Variants in DNER observed in about 807,000 individuals in gnomAD.
DNER encodes the protein delta/notch like EGF repeat containing.
A neutral mutation model predicts 78.2 loss-of-function variants in DNER; 33 were observed. The observed-to-expected ratio is 0.42, with a 90% CI of 0.32 to 0.56. The LOEUF is 0.56. Among genes scored for constraint, DNER ranks in the 20% least tolerant of loss-of-function variants. The probability of loss-of-function intolerance (pLI) is 0.11; values close to 1 mark genes in which losing one functional copy is unlikely to be tolerated. For synonymous variants in DNER, 417 were observed against 384.8 expected (o/e 1.08, Z -0.98); for missense variants, 918 against 975.3 (o/e 0.94, Z 0.78).
Position 229,597,512 on chromosome 2 carries a change from A to G in DNER, c.277-5624T>C, listed in dbSNP as rs150446431. Among the ~76,000 whole-genome samples, 54 of 152,374 alleles carry G rather than the reference A, an allele frequency of 3.5e-4. 1 individual carries two copies. The East Asian group carries it at 7.9e-3, about 22-fold the overall frequency. ...CATTAAATCTGAACTATAAGCAGGTAATAACCAAACTGCCAAAATGCATAA... is the reference window on the plus strand; with the variant it reads ...CATTAAATCTGAACTATAAGCAGGTGATAACCAAACTGCCAAAATGCATAA... On this transcript the variant is annotated intron_variant, in intron 1 of 12. Transcript: ENST00000341772.
At chr2:229,568,176 G>A (rs546948309) in intron 4 of DNER, among the ~76,000 whole-genome samples, 128 of 152,216 alleles carry the variant, frequency 8.4e-4, no homozygotes, top group Non-Finnish European at 1.5e-3. Flanking sequence ...TTTTTAAGCC[G>A]TGTTCCAAGA....
rs1225897880 is a variant in DNER at position 229,387,559 on chromosome 2, G to GAAAT, written c.1855+705_1855+706insATTT. Among the ~76,000 whole-genome samples, 46 of 142,858 alleles carry GAAAT rather than the reference G, an allele frequency of 3.2e-4. 1 individual carries two copies. Among genetic ancestry groups the GAAAT allele is most frequent in the South Asian group, 1.4e-3 (6 of 4,394 alleles). The allele number at this position is 142,858 out of a possible 152,430, so 93.7% of individuals were successfully genotyped here. ...AGAAAGAAAGAAAGAAAGAAAGAAA[G>GAAAT]AAAGAAAGAAAAGAAAGAAGGAAGG... On this transcript the variant is annotated intron_variant, in intron 11 of 12. Transcript: ENST00000341772.
intron 7 of DNER, among the ~76,000 whole-genome samples, chr2:229,470,833 A>G (rs959337374): frequency 1.3e-5 from 2 of 152,168 alleles, no homozygotes; most frequent in Non-Finnish European, 2.9e-5. Context: ...CTGGGCAACA[A>G]GAGCAAAATG....
chr2:229,594,385 G>A (rs1391055287), intron 1 of DNER, among the ~76,000 whole-genome samples: 1 of 152,192 alleles, frequency 6.6e-6, no homozygotes, highest in African/African-American at 2.4e-5. Flanking sequence ...TGAGGAGTTT[G>A]AGACCAGCCT....
intron 6 of DNER, 95 bp downstream of exon 6, chr2:229,512,688 C>A: frequency 6.6e-7 from 1 of 1,511,852 alleles, no homozygotes. Flanking sequence ...TAACCAAGTA[C>A]CACCTGTTCT....
intron 6 of DNER, among the ~76,000 whole-genome samples, chr2:229,487,038 G>A (rs562446102): frequency 3.0e-4 from 45 of 152,254 alleles, no homozygotes; most frequent in African/African-American, 1.1e-3. Flanking sequence ...ATTCATTTCC[G>A]AATTACACAT....
At chr2:229,654,968 T>A (rs1698889341) in intron 1 of DNER, among the ~76,000 whole-genome samples, 1 of 152,172 alleles carries the variant, frequency 6.6e-6, no homozygotes, top group African/African-American at 2.4e-5. Context: ...ACCAGAAGCA[T>A]CATTAAAATA....
chr2:229,544,459 C>T (rs1400631588), intron 5 of DNER, among the ~76,000 whole-genome samples: 2 of 152,040 alleles, frequency 1.3e-5, no homozygotes, highest in East Asian at 3.9e-4. Flanking sequence ...CACATTCTGC[C>T]TCCTCCAAGG....
intron 6 of DNER, among the ~76,000 whole-genome samples, chr2:229,489,119 G>A (rs1221591209): frequency 6.6e-6 from 1 of 152,214 alleles, no homozygotes; most frequent in Non-Finnish European, 1.5e-5. Flanking sequence ...TGGCCTCCCG[G>A]CCCAGCTGGG....
At chr2:229,401,070 A>G (rs532582311) in intron 10 of DNER, among the ~76,000 whole-genome samples, 1 of 152,228 alleles carries the variant, frequency 6.6e-6, no homozygotes, top group East Asian at 1.9e-4. Context: ...AAGCACAGGA[A>G]AAGATGCTAA....
intron 9 of DNER, among the ~76,000 whole-genome samples, chr2:229,407,932 A>G (rs6712266): frequency 0.28 from 42,352 of 152,004 alleles, 6,213 homozygotes; most frequent in South Asian, 0.37. Context: ...AAACTGAGGA[A>G]AGAGTCGAAG....
rs113673293 is a variant in DNER at position 229,712,096 on chromosome 2, G to A, written c.276+2052C>T. Among the ~76,000 whole-genome samples the A allele has an allele frequency of 4.9e-3, 745 of 152,158 alleles. 6 individuals carry two copies. The highest frequency in any genetic ancestry group is 0.016 in the African/African-American group (684 of 41,504). ...CTATGAGGATTACAGTAACTTCACCGCTCTCTCCAACTCACACACCAGGGC... is the reference window on the plus strand; with the variant it reads ...CTATGAGGATTACAGTAACTTCACCACTCTCTCCAACTCACACACCAGGGC... On this transcript the variant is annotated intron_variant, in intron 1 of 12. Coordinates refer to ENST00000341772, the MANE Select transcript of DNER (RefSeq NM_139072.4).
At chr2:229,449,797 T>C (rs989714388) in intron 7 of DNER, among the ~76,000 whole-genome samples, 9 of 152,218 alleles carry the variant, frequency 5.9e-5, no homozygotes, top group Non-Finnish European at 1.3e-4. Flanking sequence ...TTTGTTTTGT[T>C]TTTTGAGACA....
chr2:229,470,030 C>T (rs1287128567), intron 7 of DNER, among the ~76,000 whole-genome samples: 1 of 152,220 alleles, frequency 6.6e-6, no homozygotes, highest in South Asian at 2.1e-4. Flanking sequence ...AGCATCAGTA[C>T]TGTTATAGGT....
chr2:229,669,385 T>C (rs1297388560), intron 1 of DNER, among the ~76,000 whole-genome samples: 2 of 151,468 alleles, frequency 1.3e-5, no homozygotes, highest in Non-Finnish European at 2.9e-5. Flanking sequence ...TATATATATA[T>C]ATAAAAGAAT....
chr2:229,640,696 G>A lies in DNER; in HGVS notation c.277-48808C>T, dbSNP rs115490843. On this transcript the variant is annotated intron_variant, in intron 1 of 12. Coordinates refer to ENST00000341772, the MANE Select transcript of DNER (RefSeq NM_139072.4). ...GCACAATAAAATTGAGGCAACATCA[G>A]GAAGTAAATGGCAGAGGGTTCACTG... Among the ~76,000 whole-genome samples, 748 of 152,312 alleles carry A rather than the reference G, an allele frequency of 4.9e-3. 6 individuals carry two copies. The highest frequency in any genetic ancestry group is 0.017 in the African/African-American group (695 of 41,566).
At chr2:229,402,431 A>C (rs1693287123) in intron 10 of DNER, among the ~76,000 whole-genome samples, 1 of 152,258 alleles carries the variant, frequency 6.6e-6, no homozygotes, top group Non-Finnish European at 1.5e-5. Flanking sequence ...AATGAAATTA[A>C]AGCACTGATG....
intron 3 of DNER, 140 bp from the exon 4 acceptor site, chr2:229,586,164 G>T: frequency 9.5e-7 from 1 of 1,047,382 alleles, no homozygotes; most frequent in Non-Finnish European, 1.3e-6. Context: ...AAACAGATAC[G>T]CGGGCGTCCA....
chr2:229,635,862 C>A (rs1410810838), intron 1 of DNER, among the ~76,000 whole-genome samples: 1 of 152,040 alleles, frequency 6.6e-6, no homozygotes, highest in Non-Finnish European at 1.5e-5. Context: ...GGGCACTGTT[C>A]TGTGCATGTT....
Sources: allele counts gnomAD v4.1 joint callset (sites outside exome capture counted in the v4.1 genomes callset), GRCh38; gene constraint gnomAD v4.1.1; transcripts MANE v1.5; gene names NCBI Gene and HGNC (gene_info 2026-07-23, HGNC 2026-07-21).